The following PIAS4 variants were observed in gnomAD, a reference collection of about 807,000 sequenced individuals.
PIAS4 encodes the protein protein inhibitor of activated STAT 4.
Under a neutral mutation model 58.0 loss-of-function variants are expected in PIAS4, and 7 were observed. The ratio of observed to expected loss-of-function variants is 0.12; its 90% CI spans 0.07 to 0.23. The LOEUF (loss-of-function observed/expected upper bound fraction) is 0.23, where lower values mean the gene tolerates loss of function less well. Among genes scored for constraint, PIAS4 ranks in the 10% least tolerant of loss-of-function variants. PIAS4 has a pLI of 1.00. For synonymous variants in PIAS4, 364 were observed against 312.4 expected (o/e 1.17, Z -1.74); for missense variants, 550 against 709.5 (o/e 0.78, Z 2.55).
chr19:4,018,900 C>T (rs1248714414), intron 2 of PIAS4, among the ~76,000 whole-genome samples: 1 of 152,006 alleles, frequency 6.6e-6, no homozygotes, highest in African/African-American at 2.4e-5. Flanking sequence ...GGCCCTGATG[C>T]AGCATGGCTG....
Position 4,013,319 on chromosome 19 carries a change from C to A in PIAS4, c.424C>A (p.Leu142Met), listed in dbSNP as rs775165266. Reference protein sequence around the residue: ...RLVKLPFFNMLDELLKPTELV... With the variant: ...RLVKLPFFNMMDELLKPTELV... ...GGTGAAGCTGCCGTTCTTTAATATGCTGGATGAGCTGCTGAAGCCCACCGA... is the reference window on the plus strand; with the variant it reads ...GGTGAAGCTGCCGTTCTTTAATATGATGGATGAGCTGCTGAAGCCCACCGA... The change falls in exon 2 of 11, where the codon CTG becomes ATG. Residue 142 changes from leucine (L) to methionine (M), a missense_variant. Around this residue, in one of 4 missense-constraint regions of PIAS4, gnomAD observed 225 missense variants for 345.8 expected, o/e 0.65. Transcript: ENST00000262971. The surrounding 1 kb of genome is among the most constrained non-coding windows in gnomAD (Gnocchi z 5.1). 4 of 1,613,076 alleles carry A rather than the reference C, an allele frequency of 2.5e-6. No homozygotes were observed. Among genetic ancestry groups the A allele is most frequent in the Non-Finnish European group, 3.4e-6 (4 of 1,179,914 alleles).
rs887110347 is a variant in PIAS4, at chr19:4,038,133, C to T, written c.*258C>T. 103 of 453,644 alleles carry T rather than the reference C, an allele frequency of 2.3e-4. No homozygotes were observed. Among genetic ancestry groups the T allele is most frequent in the Non-Finnish European group, 3.6e-4 (93 of 258,078 alleles). 28.1% of individuals were successfully genotyped at this position (453,644 alleles called of 1,614,324 possible). A position where few individuals can be genotyped will look rare whatever the true frequency, so the allele number is the denominator to read the frequency against. On this transcript the variant is annotated 3_prime_UTR_variant, in exon 11 of 11. Coordinates refer to ENST00000262971, the MANE Select transcript of PIAS4 (RefSeq NM_015897.4). This position sits in a 1 kb window ranked among gnomAD's most constrained non-coding sequence, Gnocchi z 4.1. ...TCAAACTCTTAAAAACAAGGCCGGC[C>T]ACCCACACAGCCGCCTCCCCGGCTG...
chr19:4,016,054 C>G (rs1159307357), intron 2 of PIAS4, among the ~76,000 whole-genome samples: 2 of 152,218 alleles, frequency 1.3e-5, no homozygotes, highest in Admixed American at 6.5e-5. Flanking sequence ...TCCCTCCTCC[C>G]GAGCCGACTG....
intron 7 of PIAS4, among the ~76,000 whole-genome samples, chr19:4,029,242 C>T (rs1204382390): frequency 6.6e-6 from 1 of 152,188 alleles, no homozygotes; most frequent in Non-Finnish European, 1.5e-5. Flanking sequence ...GTGGGAGCTG[C>T]TGTGCGGAGG....
chr19:4,021,536 C>T (rs1420115032), intron 2 of PIAS4, among the ~76,000 whole-genome samples: 1 of 152,074 alleles, frequency 6.6e-6, no homozygotes, highest in African/African-American at 2.4e-5. Flanking sequence ...GAGGATTTTA[C>T]ATCTGTGTTC....
Position 4,037,516 on chromosome 19 carries a change from A to G in PIAS4, c.1273+12A>G. On this transcript the variant is annotated intron_variant, in intron 10 of 10. Coordinates refer to ENST00000262971, the MANE Select transcript of PIAS4 (RefSeq NM_015897.4). The surrounding 1 kb of genome is among the most constrained non-coding windows in gnomAD (Gnocchi z 5.8). ...CATCCTCGTGCTGGGTGAGTGCCTC[A>G]CCCCACCAGCCGCGCAGTCCGCAGC... 1 of 1,608,642 alleles carries G rather than the reference A, an allele frequency of 6.2e-7. No individual in the cohort carries two copies. The highest frequency in any genetic ancestry group is 8.5e-7 in the Non-Finnish European group (1 of 1,179,428).
chr19:4,035,057 A>G (rs1452478158), intron 9 of PIAS4, among the ~76,000 whole-genome samples: 1 of 152,120 alleles, frequency 6.6e-6, no homozygotes, highest in African/African-American at 2.4e-5. Flanking sequence ...TTGGAGGGTG[A>G]AAAGCAGTTT....
intron 3 of PIAS4, among the ~76,000 whole-genome samples, chr19:4,027,562 G>GA (rs2040178664): frequency 7.6e-6 from 1 of 130,862 alleles, no homozygotes; most frequent in Non-Finnish European, 1.6e-5. Flanking sequence ...GGTGTTACTG[G>GA]TTTTTGTTTT....
At chr19:4,027,398 G>C (rs547550600) in intron 3 of PIAS4, among the ~76,000 whole-genome samples, 73 of 152,284 alleles carry the variant, frequency 4.8e-4, no homozygotes, top group African/African-American at 1.7e-3. Flanking sequence ...CGTCCCGTGC[G>C]TGTTGGTCCT....
intron 4 of PIAS4, 53 bp from the exon 5 acceptor site, chr19:4,028,457 T>A: frequency 7.5e-7 from 1 of 1,326,266 alleles, no homozygotes; most frequent in Non-Finnish European, 1.1e-6. Flanking sequence ...CGCAGCAGCC[T>A]AGTCCCTCCT....
At position 4,037,659 on chromosome 19, in the gene PIAS4, C is replaced by T. The variant is rs1022117764; in HGVS notation, c.1317C>T (p.Asn439=). The T allele has an allele frequency of 6.8e-6, 11 of 1,611,836 alleles. No individual in the cohort carries two copies. Among genetic ancestry groups the T allele is most frequent in the African/African-American group, 6.7e-5 (5 of 74,920 alleles). ...GGCTCCTGCCCGCCCCCAGCGTCAACGGGAGCGGTGCCCTGGGCAGCACGG... is the reference window on the plus strand; with the variant it reads ...GGCTCCTGCCCGCCCCCAGCGTCAATGGGAGCGGTGCCCTGGGCAGCACGG... ...ANGLLPAPSV[N]GSGALGSTGG... Residue 439 remains asparagine (N), a synonymous_variant, in exon 11 of 11, where the codon AAC becomes AAT. Coordinates refer to ENST00000262971, the MANE Select transcript of PIAS4 (RefSeq NM_015897.4). This position sits in a 1 kb window ranked among gnomAD's most constrained non-coding sequence, Gnocchi z 5.8.
rs372915289 is a variant in PIAS4 at position 4,019,955 on chromosome 19, C to T, written c.455-4081C>T. ...TTTTTTTGAAATGGAGTCTCGCTGT[C>T]GCCCGGGCTGGAGTGCAGCGGCAGG... On this transcript the variant is annotated intron_variant, in intron 2 of 10. Transcript: ENST00000262971. 2.1e-4 allele frequency among the ~76,000 whole-genome samples: 31 copies of T among 150,740 alleles called. No homozygotes were observed. The South Asian group carries it at 5.0e-3, about 24-fold the overall frequency.
chr19:4,016,804 T>C (rs980751778), intron 2 of PIAS4, among the ~76,000 whole-genome samples: 1 of 152,008 alleles, frequency 6.6e-6, no homozygotes. Flanking sequence ...TGGAGTTCAT[T>C]GTGGCCAGAA....
intron 2 of PIAS4, among the ~76,000 whole-genome samples, chr19:4,015,830 G>A (rs758129543): frequency 1.2e-4 from 19 of 152,220 alleles, no homozygotes; most frequent in Admixed American, 8.5e-4. Flanking sequence ...GCCGCCGGCC[G>A]GCTCCAGGAT....
At chr19:4,029,086 A>G (rs1397233158) in intron 7 of PIAS4, 50 bp downstream of exon 7, 1 of 1,370,762 alleles carries the variant, frequency 7.3e-7, no homozygotes, top group Admixed American at 2.0e-5. Flanking sequence ...CCACCCTGGA[A>G]ACCCGCCCTG....
chr19:4,028,279 T>TC, intron 4 of PIAS4, 92 bp downstream of exon 4: 2 of 991,278 alleles, frequency 2.0e-6, no homozygotes, highest in Non-Finnish European at 2.9e-6. Flanking sequence ...CTTCTCAGTC[T>TC]CCCCTGCTAA....
chr19:4,034,091 G>A (rs1413162002), intron 9 of PIAS4, among the ~76,000 whole-genome samples: 1 of 152,224 alleles, frequency 6.6e-6, no homozygotes. Context: ...CTTTCTCCCT[G>A]GTGGAAGGCT....
chr19:4,026,914 C>A (rs576727064), intron 3 of PIAS4, among the ~76,000 whole-genome samples: 1 of 152,252 alleles, frequency 6.6e-6, no homozygotes, highest in Admixed American at 6.5e-5. Flanking sequence ...GTGGCACGAT[C>A]TTGGCTCACT....
chr19:4,018,601 C>G (rs1417178286), intron 2 of PIAS4: 1 of 152,232 alleles, frequency 6.6e-6, no homozygotes. Context: ...GGTGCCCTTG[C>G]CTTGGTCCCG....
Sources: gnomAD v4.1 joint callset for allele counts (sites outside exome capture counted in the v4.1 genomes callset) on GRCh38, gnomAD v4.1.1 for gene constraint, gnomAD v4.1.1 regional missense constraint, Gnocchi (gnomAD v3.1) non-coding constraint, MANE v1.5 for transcripts, NCBI Gene and HGNC (gene_info 2026-07-23, HGNC 2026-07-21) for gene names.